SLC35F4: variants seen among roughly 807,000 people sequenced by gnomAD.
SLC35F4 encodes solute carrier family 35 member F4, also known as chromosome 14 open reading frame 36.
In SLC35F4, 24 loss-of-function variants were observed where a neutral mutation model predicts 44.2. That is an observed-to-expected ratio of 0.54 (90% confidence interval 0.39 to 0.76). The LOEUF (loss-of-function observed/expected upper bound fraction) is 0.76, where lower values mean the gene tolerates loss of function less well. Ranked by LOEUF, SLC35F4 falls within the 30% of genes least tolerant of loss-of-function variation. The probability of loss-of-function intolerance (pLI) is 0.00; values close to 1 mark genes in which losing one functional copy is unlikely to be tolerated. For missense variants in SLC35F4, 562 were observed against 586.1 expected (o/e 0.96, Z 0.42); for synonymous variants, 238 against 223.6 (o/e 1.06, Z -0.57).
At chr14:57,625,447 A>T (rs1168744118) in intron 1 of SLC35F4, among the ~76,000 whole-genome samples, 4 of 152,178 alleles carry the variant, frequency 2.6e-5, no homozygotes, top group Non-Finnish European at 5.9e-5. Context: ...ATTGGAAAAA[A>T]CTACTTTATA....
intron 1 of SLC35F4, among the ~76,000 whole-genome samples, chr14:57,970,541 T>C (rs931466155): frequency 2.0e-5 from 3 of 152,174 alleles, no homozygotes; most frequent in African/African-American, 7.2e-5. Context: ...GTAGAACTCA[T>C]TCATAACAGA....
At chr14:57,658,056 A>G (rs934559413) in intron 1 of SLC35F4, among the ~76,000 whole-genome samples, 2 of 152,182 alleles carry the variant, frequency 1.3e-5, no homozygotes, top group Non-Finnish European at 2.9e-5. Flanking sequence ...ATAAGTAGCT[A>G]TGATGATTAT....
At chr14:57,887,535 A>G (rs1888675194) in intron 1 of SLC35F4, among the ~76,000 whole-genome samples, 2 of 152,200 alleles carry the variant, frequency 1.3e-5, no homozygotes, top group Admixed American at 6.5e-5. Flanking sequence ...CTGATGGAGC[A>G]ACCTTCCTTT....
intron 1 of SLC35F4, among the ~76,000 whole-genome samples, chr14:57,965,518 G>C (rs1015963281): frequency 6.6e-6 from 1 of 152,122 alleles, no homozygotes; most frequent in South Asian, 2.1e-4. Flanking sequence ...ATTTGGACAA[G>C]GACTTCTTTG....
chr14:57,973,994 C>G (rs887777740), downstream of SLC35F4, among the ~76,000 whole-genome samples: 2 of 152,108 alleles, frequency 1.3e-5, no homozygotes, highest in African/African-American at 4.8e-5. Flanking sequence ...GTAGTAACTA[C>G]CCCAAGAGTT....
At chr14:57,580,906 T>C in intron 4 of SLC35F4, 1 of 225,548 alleles carries the variant, frequency 4.4e-6, no homozygotes, top group Non-Finnish European at 8.6e-6. Flanking sequence ...CCTTCGTTCC[T>C]GAGGACAGAA....
intron 1 of SLC35F4, among the ~76,000 whole-genome samples, chr14:57,677,710 T>C (rs1163777610): frequency 6.6e-6 from 1 of 151,918 alleles, no homozygotes; most frequent in Non-Finnish European, 1.5e-5. Context: ...CCTTCACACA[T>C]ACATATATGC....
chr14:57,658,603 T>C (rs1358941011), intron 1 of SLC35F4, among the ~76,000 whole-genome samples: 1 of 152,204 alleles, frequency 6.6e-6, no homozygotes, highest in Non-Finnish European at 1.5e-5. Context: ...TTTTTAAATA[T>C]AACAGCACAT....
At chr14:57,688,230 T>G (rs1193329682) in intron 1 of SLC35F4, among the ~76,000 whole-genome samples, 1 of 151,500 alleles carries the variant, frequency 6.6e-6, no homozygotes, top group African/African-American at 2.4e-5. Flanking sequence ...GACTGAGAGA[T>G]AGAGGAAAAA....
At chr14:57,721,684 T>C (rs2076088112) in intron 1 of SLC35F4, among the ~76,000 whole-genome samples, 1 of 152,178 alleles carries the variant, frequency 6.6e-6, no homozygotes, top group African/African-American at 2.4e-5. Flanking sequence ...AATGGGACTC[T>C]GCAACTTGGA....
At chr14:57,701,679 G>A (rs749594110) in intron 1 of SLC35F4, among the ~76,000 whole-genome samples, 17 of 152,118 alleles carry the variant, frequency 1.1e-4, no homozygotes, top group Non-Finnish European at 1.9e-4. Flanking sequence ...CCTAAATGTC[G>A]TTACGTGGCA....
At chr14:57,894,326 A>T (rs368863229) in intron 1 of SLC35F4, among the ~76,000 whole-genome samples, 1 of 152,096 alleles carries the variant, frequency 6.6e-6, no homozygotes, top group African/African-American at 2.4e-5. Context: ...GAATGAAGAC[A>T]GTTGTACAAA....
intron 6 of SLC35F4, among the ~76,000 whole-genome samples, chr14:57,568,840 G>A (rs909775419): frequency 2.6e-5 from 4 of 152,280 alleles, no homozygotes; most frequent in African/African-American, 9.6e-5. Flanking sequence ...CCTCTGAGTA[G>A]CACGTGGAAA....
chr14:57,797,862 T>C (rs1180190948), intron 1 of SLC35F4, among the ~76,000 whole-genome samples: 1 of 152,122 alleles, frequency 6.6e-6, no homozygotes. Flanking sequence ...TCCCTTAATC[T>C]TGGACTTGGC....
intron 1 of SLC35F4, among the ~76,000 whole-genome samples, chr14:57,687,486 C>G (rs535526817): frequency 1.9e-3 from 294 of 152,292 alleles, no homozygotes; most frequent in Non-Finnish European, 2.6e-3. Context: ...ATCTTTCTCA[C>G]TCTGAACATT....
At chr14:57,779,289 C>A in intron 1 of SLC35F4, among the ~76,000 whole-genome samples, 1 of 151,814 alleles carries the variant, frequency 6.6e-6, no homozygotes, top group Middle Eastern at 3.4e-3. Context: ...TAATTAGAAA[C>A]GATAAAGGAG....
At chr14:57,831,684 T>G (rs935862305) in intron 1 of SLC35F4, among the ~76,000 whole-genome samples, 3 of 152,212 alleles carry the variant, frequency 2.0e-5, no homozygotes, top group African/African-American at 7.2e-5. Context: ...TTTCAGTAAT[T>G]TAAAGAGTGA....
At chr14:57,788,551 A>C (rs897151595) in intron 1 of SLC35F4, among the ~76,000 whole-genome samples, 18 of 152,200 alleles carry the variant, frequency 1.2e-4, no homozygotes, top group African/African-American at 3.9e-4. Flanking sequence ...AGGAAATTGA[A>C]ATCACATCAA....
At chr14:57,727,152 G>A (rs4898947) in intron 1 of SLC35F4, among the ~76,000 whole-genome samples, 90 of 51,460 alleles carry the variant, frequency 1.7e-3, no homozygotes, top group African/African-American at 5.4e-3. Flanking sequence ...ATATATATAT[G>A]TATTCTATTA....
Sources: allele counts gnomAD v4.1 joint callset (sites outside exome capture counted in the v4.1 genomes callset), GRCh38; gene constraint gnomAD v4.1.1; transcripts MANE v1.5; gene names NCBI Gene and HGNC (gene_info 2026-07-23, HGNC 2026-07-21).